The following ADAMTS16 variants were observed in gnomAD, a reference collection of about 807,000 sequenced individuals.
The protein encoded by ADAMTS16 is A disintegrin and metalloproteinase with thrombospondin motifs 16.
Under a neutral mutation model 145.8 loss-of-function variants are expected in ADAMTS16, and 94 were observed. The ratio of observed to expected loss-of-function variants is 0.64; its 90% CI spans 0.55 to 0.77. The LOEUF (loss-of-function observed/expected upper bound fraction) is 0.77, where lower values mean the gene tolerates loss of function less well. ADAMTS16 is among the 30% of genes least tolerant of loss of function. The probability of loss-of-function intolerance (pLI) is 0.00; values close to 1 mark genes in which losing one functional copy is unlikely to be tolerated. For missense variants in ADAMTS16, 1,585 were observed against 1,591.5 expected (o/e 1.00, Z 0.07); for synonymous variants, 659 against 604.3 (o/e 1.09, Z -1.33).
chr5:5,252,946 CA>C (rs763721596), intron 17 of ADAMTS16, among the ~76,000 whole-genome samples: 1 of 152,298 alleles, frequency 6.6e-6, no homozygotes, highest in East Asian at 1.9e-4. Flanking sequence ...TCCCATTATC[CA>C]CATTTCTTAT....
intron 11 of ADAMTS16, among the ~76,000 whole-genome samples, chr5:5,229,069 C>T (rs988471510): frequency 3.9e-5 from 6 of 151,944 alleles, no homozygotes; most frequent in Admixed American, 1.3e-4. Context: ...GAGGCCGAGG[C>T]GGGTGGATCA....
chr5:5,214,868 G>A (rs904274907), intron 10 of ADAMTS16, among the ~76,000 whole-genome samples: 4 of 152,028 alleles, frequency 2.6e-5, no homozygotes, highest in Admixed American at 2.6e-4. Flanking sequence ...TTTTTTTAAT[G>A]AACACCTGCT....
In ADAMTS16 at chr5:5,319,416, G is replaced by A. The variant is rs565805993; in HGVS notation, c.*278G>A. The A allele has an allele frequency of 4.1e-5, 19 of 465,214 alleles. No individual in the cohort carries two copies. The highest frequency in any genetic ancestry group is 2.4e-4 in the African/African-American group (12 of 50,898). 28.8% of individuals were successfully genotyped at this position (465,214 alleles called of 1,614,324 possible). A position where few individuals can be genotyped will look rare whatever the true frequency, so the allele number is the denominator to read the frequency against. On this transcript the variant is annotated 3_prime_UTR_variant, in exon 23 of 23. Transcript: ENST00000274181. ...TGAGGCAGAAGGCAGGCACCACAAC[G>A]GGAGAGGCAGCACTCACCCCTGCCT...
At position 5,212,398 on chromosome 5, in the gene ADAMTS16, C is replaced by T. The variant is rs143693132; in HGVS notation, c.1605+3152C>T. Among the ~76,000 whole-genome samples, 365 of 151,840 alleles carry T rather than the reference C, an allele frequency of 2.4e-3. 9 individuals carry two copies. In the East Asian group the frequency reaches 0.067, roughly 28 times the overall value. On this transcript the variant is annotated intron_variant, in intron 10 of 22. Transcript: ENST00000274181. ...AATTTTTTTGTATTTTTAGTAGAGA[C>T]GGGGTTTCACCATGTTAGCCAGGAT... is the stretch of plus-strand genomic sequence containing the variant.
intron 8 of ADAMTS16, among the ~76,000 whole-genome samples, chr5:5,193,891 A>G (rs1238568485): frequency 6.6e-6 from 1 of 152,170 alleles, no homozygotes; most frequent in Non-Finnish European, 1.5e-5. Context: ...ACTTGAGCCC[A>G]GGAGTTCAAG....
intron 10 of ADAMTS16, among the ~76,000 whole-genome samples, chr5:5,218,895 G>A (rs78039512): frequency 2.6e-5 from 4 of 152,124 alleles, no homozygotes; most frequent in East Asian, 3.8e-4. Flanking sequence ...CTGGTCTGCC[G>A]GTCTGCTGGT....
intron 3 of ADAMTS16, among the ~76,000 whole-genome samples, chr5:5,156,871 T>C (rs1734617102): frequency 6.6e-6 from 1 of 152,202 alleles, no homozygotes. Context: ...TCAGTGGAGT[T>C]CTGTCCTTCG....
At chr5:5,211,130 T>C (rs186602593) in intron 10 of ADAMTS16, among the ~76,000 whole-genome samples, 1 of 152,322 alleles carries the variant, frequency 6.6e-6, no homozygotes, top group East Asian at 1.9e-4. Context: ...CTTCCTCTTC[T>C]GTTTTCTGGA....
At chr5:5,179,481 G>A (rs1046307465) in intron 3 of ADAMTS16, among the ~76,000 whole-genome samples, 1 of 152,166 alleles carries the variant, frequency 6.6e-6, no homozygotes, top group African/African-American at 2.4e-5. Flanking sequence ...ATTGGGTAGC[G>A]TTATACAAGG....
chr5:5,244,289 T>C (rs1737376520), intron 17 of ADAMTS16, among the ~76,000 whole-genome samples: 1 of 152,226 alleles, frequency 6.6e-6, no homozygotes, highest in African/African-American at 2.4e-5. Context: ...TCTCCTGTTC[T>C]CTCTCTTTCC....
intron 18 of ADAMTS16, among the ~76,000 whole-genome samples, chr5:5,298,825 G>A (rs370103526): frequency 3.3e-5 from 5 of 152,204 alleles, no homozygotes; most frequent in African/African-American, 9.7e-5. Flanking sequence ...GTTGGCAGCT[G>A]TCTTGACCCC....
chr5:5,297,333 C>T (rs946940779), intron 18 of ADAMTS16, among the ~76,000 whole-genome samples: 8 of 152,284 alleles, frequency 5.3e-5, no homozygotes, highest in East Asian at 3.9e-4. Context: ...AAGTAGAGTG[C>T]GTTGCTCTTT....
chr5:5,241,462 T>C (rs1178956468), intron 16 of ADAMTS16, among the ~76,000 whole-genome samples: 1 of 152,174 alleles, frequency 6.6e-6, no homozygotes, highest in African/African-American at 2.4e-5. Context: ...CCCCTTCATC[T>C]CTCCCCATAG....
intron 17 of ADAMTS16, among the ~76,000 whole-genome samples, chr5:5,251,051 G>A (rs559238252): frequency 3.4e-4 from 52 of 152,266 alleles, no homozygotes; most frequent in Non-Finnish European, 5.7e-4. Context: ...CCTGCCCGGG[G>A]CGTCAGCAAG....
intron 10 of ADAMTS16, among the ~76,000 whole-genome samples, chr5:5,220,320 T>TAC (rs1560954660): frequency 3.0e-4 from 44 of 149,060 alleles, no homozygotes; most frequent in African/African-American, 1.1e-3. Context: ...CCACCACGCC[T>TAC]GGCTAATTTT....
At chr5:5,184,244 T>C (rs1028180437) in intron 4 of ADAMTS16, among the ~76,000 whole-genome samples, 6 of 150,772 alleles carry the variant, frequency 4.0e-5, no homozygotes, top group African/African-American at 1.5e-4. Flanking sequence ...CACCGATGCA[T>C]GGATGTACCA....
intron 13 of ADAMTS16, 78 bp from the exon 14 acceptor site, chr5:5,236,891 T>C: frequency 3.4e-6 from 5 of 1,490,852 alleles, no homozygotes; most frequent in Non-Finnish European, 4.5e-6. Flanking sequence ...AAAGAAAGTC[T>C]ATCTAAAATT....
chr5:5,186,532 C>G (rs556155340), intron 5 of ADAMTS16, among the ~76,000 whole-genome samples: 1 of 152,208 alleles, frequency 6.6e-6, no homozygotes, highest in East Asian at 1.9e-4. Flanking sequence ...TTACTGGCAT[C>G]TATTTACTGG....
At chr5:5,290,559 A>G (rs1237853681) in intron 18 of ADAMTS16, among the ~76,000 whole-genome samples, 9 of 152,118 alleles carry the variant, frequency 5.9e-5, no homozygotes, top group African/African-American at 1.4e-4. Context: ...GGAGGCTGAG[A>G]TGGGAACTTG....
Sources: gnomAD v4.1 joint callset for allele counts (sites outside exome capture counted in the v4.1 genomes callset) on GRCh38, gnomAD v4.1.1 for gene constraint, MANE v1.5 for transcripts, NCBI Gene and HGNC (gene_info 2026-07-23, HGNC 2026-07-21) for gene names.